The following PSME4 variants were observed in gnomAD, a reference collection of about 807,000 sequenced individuals.
PSME4 encodes the protein proteasome activator subunit 4.
Under a neutral mutation model 253.9 loss-of-function variants are expected in PSME4, and 89 were observed. The ratio of observed to expected loss-of-function variants is 0.35; its 90% CI spans 0.30 to 0.42. The LOEUF (loss-of-function observed/expected upper bound fraction) is 0.42. Among genes scored for constraint, PSME4 ranks in the 10% least tolerant of loss-of-function variants. The probability of loss-of-function intolerance (pLI) is 1.00; values close to 1 mark genes in which losing one functional copy is unlikely to be tolerated. For missense variants in PSME4, 2,014 were observed against 2,195.2 expected (o/e 0.92, Z 1.65); for synonymous variants, 851 against 759.2 (o/e 1.12, Z -1.99).
chr2:53,895,779 G>C (rs749133925), intron 32 of PSME4, 43 bp from the exon 33 acceptor site: 1 of 1,502,340 alleles, frequency 6.7e-7, no homozygotes, highest in East Asian at 2.3e-5. Context: ...AAAAATATTC[G>C]CCCAACAATT....
In PSME4 at chr2:53,970,734, C is replaced by G. The variant is rs1448468483; in HGVS notation, c.51G>C (p.Gly17=). The change falls in exon 1 of 47, where the codon GGG becomes GGC. Residue 17 remains glycine, a synonymous_variant. Transcript: ENST00000404125. ...AGVGEPPEPG[G]RPEPGPRGFV... is the part of the protein sequence containing the mutation. ...AGCCCCGCGGGCCCGGCTCGGGACG[C>G]CCGCCCGGCTCCGGGGGCTCTCCGA... 6.5e-6 allele frequency: 10 copies of G among 1,547,362 alleles called. No homozygotes were observed. The highest frequency in any genetic ancestry group is 1.2e-5 in the South Asian group (1 of 83,904).
At chr2:53,914,413 C>G (rs1014391102) in intron 20 of PSME4, among the ~76,000 whole-genome samples, 5 of 152,064 alleles carry the variant, frequency 3.3e-5, no homozygotes, top group Non-Finnish European at 7.4e-5. Context: ...CTAAAGGTTC[C>G]AAGAGCAAAA....
chr2:53,952,729 C>T (rs1670055260), intron 1 of PSME4, among the ~76,000 whole-genome samples: 2 of 152,216 alleles, frequency 1.3e-5, no homozygotes, highest in South Asian at 4.1e-4. Context: ...GGGCAGTTCA[C>T]AATAGGATAT....
At chr2:53,877,509 TA>T (rs144238903) in intron 41 of PSME4, among the ~76,000 whole-genome samples, 7,696 of 152,086 alleles carry the variant, frequency 0.051, 376 homozygotes, top group East Asian at 0.22. Context: ...AAACTGTTGT[TA>T]AAAAAAATTA....
chr2:53,926,011 G>C lies in PSME4; in HGVS notation c.1606C>G (p.Leu536Val). 3 of 1,612,932 alleles carry C rather than the reference G, an allele frequency of 1.9e-6. No homozygotes were observed. In the South Asian group the frequency reaches 3.3e-5, roughly 18 times the overall value. The stretch of plus-strand genomic sequence containing the variant: ...TCAAATTCAGCTGTGGCTGAACAAA[G>C]TTCTCGTTCCACCTATAATATCCCA... Reference protein sequence around the residue: ...RNDLTEVERELCSATAEFEDF... With the variant: ...RNDLTEVEREVCSATAEFEDF... The change falls in exon 13 of 47, where the codon CTT becomes GTT. Residue 536 changes from leucine to valine, a missense_variant. This residue lies in a region of PSME4 where 989 missense variants were observed against 1,021.1 expected (regional missense o/e 0.97). Transcript: ENST00000404125.
intron 14 of PSME4, among the ~76,000 whole-genome samples, chr2:53,923,820 G>A (rs1034416288): frequency 2.0e-5 from 3 of 151,478 alleles, no homozygotes; most frequent in African/African-American, 7.3e-5. Context: ...CTGCTCGGGA[G>A]GCTGAGGCAT....
At chr2:53,940,126 G>A (rs748441100) in intron 3 of PSME4, 126 bp from the exon 4 acceptor site, 120 of 687,782 alleles carry the variant, frequency 1.7e-4, no homozygotes, top group Non-Finnish European at 7.4e-5. Context: ...TAATAATTGA[G>A]CCTTCCCTTT....
chr2:53,944,821 T>C (rs1278737917), intron 3 of PSME4, among the ~76,000 whole-genome samples: 1 of 152,004 alleles, frequency 6.6e-6, no homozygotes, highest in Non-Finnish European at 1.5e-5. Flanking sequence ...CCAATTCAAA[T>C]AGCTCTTTAA....
chr2:53,969,606 C>G (rs977526438), intron 1 of PSME4, among the ~76,000 whole-genome samples: 1 of 151,626 alleles, frequency 6.6e-6, no homozygotes, highest in Non-Finnish European at 1.5e-5. Context: ...AAAATTCTTT[C>G]TTAAAAAGCT....
chr2:53,893,024 G>A, intron 35 of PSME4, 64 bp from the exon 36 acceptor site: 3 of 1,454,096 alleles, frequency 2.1e-6, no homozygotes, highest in Non-Finnish European at 2.8e-6. Flanking sequence ...AATTATGCTT[G>A]TAATTATTCT....
rs1312132189 is a variant in PSME4, at chr2:53,864,363, G to GGT, written c.*1213_*1214dup. On this transcript the variant is annotated 3_prime_UTR_variant, in exon 47 of 47. Transcript: ENST00000404125. ...ATAAACTTGTCATAGGCAAACATGT[G>GGT]GTGTTAGCATTGAGAGATGCACACA... 1 of 152,272 alleles carries GGT rather than the reference G, an allele frequency of 6.6e-6. No homozygotes were observed. The highest frequency in any genetic ancestry group is 1.5e-5 in the Non-Finnish European group (1 of 67,988). 9.4% of individuals were successfully genotyped at this position (152,272 alleles called of 1,614,324 possible). A position where few individuals can be genotyped will look rare whatever the true frequency, so the allele number is the denominator to read the frequency against.
chr2:53,901,607 T>A, intron 27 of PSME4, 48 bp from the exon 28 acceptor site: 1 of 1,489,100 alleles, frequency 6.7e-7, no homozygotes, highest in Non-Finnish European at 9.2e-7. Flanking sequence ...ATAAGAGGCA[T>A]CATGTAGTTG....
intron 1 of PSME4, among the ~76,000 whole-genome samples, chr2:53,951,878 T>C (rs1670013088): frequency 6.6e-6 from 1 of 152,200 alleles, no homozygotes; most frequent in Non-Finnish European, 1.5e-5. Context: ...CCTAAAATGG[T>C]AACGCACGTA....
At chr2:53,923,209 C>G in intron 15 of PSME4, 91 bp from the exon 16 acceptor site, 1 of 1,465,882 alleles carries the variant, frequency 6.8e-7, no homozygotes, top group Non-Finnish European at 9.3e-7. Flanking sequence ...TGTAAATAAG[C>G]AGCTACTGAA....
chr2:53,938,443 C>T (rs1374497699), intron 4 of PSME4, among the ~76,000 whole-genome samples: 1 of 149,190 alleles, frequency 6.7e-6, no homozygotes, highest in East Asian at 2.0e-4. Context: ...AAAGAGGATA[C>T]ATGTAAAACT....
At chr2:53,921,140 G>A in intron 17 of PSME4, 36 bp from the exon 18 acceptor site, 1 of 1,610,094 alleles carries the variant, frequency 6.2e-7, no homozygotes, top group Non-Finnish European at 8.5e-7. Flanking sequence ...AGATATTTTG[G>A]TTAAAAGAAC....
At chr2:53,935,863 T>C (rs1456323092) in intron 7 of PSME4, among the ~76,000 whole-genome samples, 1 of 152,092 alleles carries the variant, frequency 6.6e-6, no homozygotes, top group Non-Finnish European at 1.5e-5. Context: ...CAACATAAAA[T>C]TGTTGTTGGT....
intron 31 of PSME4, 112 bp from the exon 32 acceptor site, chr2:53,896,997 C>T: frequency 1.3e-6 from 1 of 779,978 alleles, no homozygotes; most frequent in Non-Finnish European, 2.2e-6. Context: ...AAACACCTCG[C>T]CTATCGACAT....
In PSME4 at chr2:53,903,816, T is replaced by C. The variant is rs534206896; in HGVS notation, c.3075+209A>G. Among the ~76,000 whole-genome samples the C allele has an allele frequency of 8.5e-5, 13 of 152,318 alleles. 1 individual carries two copies. The highest frequency in any genetic ancestry group is 3.1e-4 in the African/African-American group (13 of 41,568). ...TCATATTAGTATGAAACAAAGATCA[T>C]ACCTGTTTAAAGGTGAATCGTGCTG... is the stretch of plus-strand genomic sequence containing the variant. On this transcript the variant is annotated intron_variant, in intron 27 of 46. Coordinates refer to ENST00000404125, the MANE Select transcript of PSME4 (RefSeq NM_014614.3).
Sources: gnomAD v4.1 joint callset for allele counts (sites outside exome capture counted in the v4.1 genomes callset) on GRCh38, gnomAD v4.1.1 for gene constraint, gnomAD v4.1.1 regional missense constraint, MANE v1.5 for transcripts, NCBI Gene and HGNC (gene_info 2026-07-23, HGNC 2026-07-21) for gene names.